DPYD: variants seen among roughly 807,000 people sequenced by gnomAD.
DPYD encodes the protein dihydropyrimidine dehydrogenase [NADP(+)].
A neutral mutation model predicts 116.2 loss-of-function variants in DPYD; 109 were observed. That is an observed-to-expected ratio of 0.94 (90% CI 0.80 to 1.10). The LOEUF (loss-of-function observed/expected upper bound fraction) is 1.10, where lower values mean the gene tolerates loss of function less well. DPYD is among the 50% of genes least tolerant of loss of function. The pLI, the probability that DPYD is intolerant of heterozygous loss-of-function variation, is 0.00. For missense variants in DPYD, 1,302 were observed against 1,254.5 expected (o/e 1.04, Z -0.57); for synonymous variants, 440 against 432.0 (o/e 1.02, Z -0.23).
chr1:97,768,562 C>G (rs1325117813), intron 3 of DPYD, among the ~76,000 whole-genome samples: 1 of 152,050 alleles, frequency 6.6e-6, no homozygotes. Flanking sequence ...CTTTCACATT[C>G]CAAGCTTAGT....
chr1:97,255,708 G>T (rs1038142606), intron 18 of DPYD, among the ~76,000 whole-genome samples: 13 of 149,264 alleles, frequency 8.7e-5, no homozygotes, highest in African/African-American at 2.2e-4. Flanking sequence ...TATTTTTGCC[G>T]TTTTTTTTTT....
At chr1:97,305,459 A>T (rs1667103455) in intron 17 of DPYD, 81 bp from the exon 18 acceptor site, 1 of 1,573,672 alleles carries the variant, frequency 6.4e-7, no homozygotes, top group South Asian at 1.1e-5. Flanking sequence ...CACATCCCAG[A>T]AAAATGCATT....
chr1:97,916,633 C>T (rs1342740099), intron 1 of DPYD, among the ~76,000 whole-genome samples: 2 of 152,080 alleles, frequency 1.3e-5, no homozygotes, highest in East Asian at 3.9e-4. Flanking sequence ...TAAGCAGATC[C>T]AATCTAAAAA....
At chr1:97,474,017 A>C (rs59899737) in intron 13 of DPYD, among the ~76,000 whole-genome samples, 1 of 20,296 alleles carries the variant, frequency 4.9e-5, no homozygotes, top group African/African-American at 1.1e-4. Flanking sequence ...AACTGTCTTT[A>C]AAAAAAAAAA....
At chr1:97,700,205 T>A in intron 5 of DPYD, 1 of 455,784 alleles carries the variant, frequency 2.2e-6, no homozygotes, top group Non-Finnish European at 4.4e-6. Context: ...GGAGGAAGGC[T>A]AAGCATCTTG....
intron 20 of DPYD, among the ~76,000 whole-genome samples, chr1:97,163,494 TG>T (rs1286726177): frequency 3.3e-5 from 5 of 152,162 alleles, no homozygotes; most frequent in African/African-American, 1.2e-4. Context: ...CTATAAAAAA[TG>T]GTACAGACTG....
At chr1:97,510,657 C>G (rs1265725156) in intron 13 of DPYD, among the ~76,000 whole-genome samples, 1 of 151,908 alleles carries the variant, frequency 6.6e-6, no homozygotes, top group African/African-American at 2.4e-5. Context: ...ATAATCCTTC[C>G]CTACTTCTAT....
chr1:97,456,523 C>G (rs1288810053), intron 13 of DPYD, among the ~76,000 whole-genome samples: 2 of 151,712 alleles, frequency 1.3e-5, no homozygotes, highest in African/African-American at 4.8e-5. Flanking sequence ...AGACACTCCT[C>G]CAAACTTGTA....
intron 11 of DPYD, among the ~76,000 whole-genome samples, chr1:97,568,127 C>T (rs1275177967): frequency 6.6e-6 from 1 of 151,328 alleles, no homozygotes; most frequent in Non-Finnish European, 1.5e-5. Flanking sequence ...AAAAACTAAC[C>T]AAATATATTG....
At chr1:97,202,685 G>A (rs1447098382) in intron 19 of DPYD, among the ~76,000 whole-genome samples, 4 of 152,182 alleles carry the variant, frequency 2.6e-5, no homozygotes, top group Non-Finnish European at 5.9e-5. Context: ...GATGGCCTGC[G>A]CTGATTAGTC....
At chr1:97,496,714 C>T (rs1417214840) in intron 13 of DPYD, among the ~76,000 whole-genome samples, 2 of 151,848 alleles carry the variant, frequency 1.3e-5, no homozygotes, top group Non-Finnish European at 2.9e-5. Flanking sequence ...AATGGCATTC[C>T]TTGCTCTAGC....
chr1:97,348,817 G>T (rs1669986158), intron 16 of DPYD, among the ~76,000 whole-genome samples: 1 of 151,594 alleles, frequency 6.6e-6, no homozygotes, highest in African/African-American at 2.4e-5. Flanking sequence ...GGACAGAAGG[G>T]AGCCAGAAGG....
chr1:97,863,564 G>T (rs1671227110), intron 2 of DPYD, among the ~76,000 whole-genome samples: 1 of 151,710 alleles, frequency 6.6e-6, no homozygotes, highest in African/African-American at 2.4e-5. Flanking sequence ...GTATATTATA[G>T]AATATTATGC....
At chr1:97,299,180 ATATT>A (rs1234269514) in intron 18 of DPYD, among the ~76,000 whole-genome samples, 1 of 152,144 alleles carries the variant, frequency 6.6e-6, no homozygotes, top group African/African-American at 2.4e-5. Flanking sequence ...GAATCTGTGA[ATATT>A]TAAATTCAAG....
chr1:97,546,541 C>T (rs1420488638), intron 12 of DPYD: 2 of 1,596,492 alleles, frequency 1.3e-6, no homozygotes, highest in African/African-American at 1.3e-5. Context: ...ACAAAGCATA[C>T]AGCAAGAAGA....
chr1:97,455,825 A>G (rs1676651773), intron 13 of DPYD, among the ~76,000 whole-genome samples: 2 of 151,936 alleles, frequency 1.3e-5, no homozygotes, highest in South Asian at 4.1e-4. Context: ...AGTGGGCAAG[A>G]TAAGTATTTG....
intron 18 of DPYD, among the ~76,000 whole-genome samples, chr1:97,289,585 A>C (rs1665987900): frequency 6.6e-6 from 1 of 151,906 alleles, no homozygotes; most frequent in Admixed American, 6.6e-5. Context: ...AAAGACAAAA[A>C]CCACATGATT....
chr1:97,864,191 T>C (rs1671257530), intron 2 of DPYD, among the ~76,000 whole-genome samples: 1 of 152,014 alleles, frequency 6.6e-6, no homozygotes, highest in African/African-American at 2.4e-5. Context: ...ATTTTCCAAA[T>C]GTTAAGGCAG....
chr1:97,482,166 C>T (rs1332934816), intron 13 of DPYD, among the ~76,000 whole-genome samples: 2 of 152,036 alleles, frequency 1.3e-5, no homozygotes, highest in East Asian at 3.9e-4. Flanking sequence ...ATAACAAATC[C>T]TAGATATAAA....
Sources: allele counts gnomAD v4.1 joint callset (sites outside exome capture counted in the v4.1 genomes callset), GRCh38; gene constraint gnomAD v4.1.1; transcripts MANE v1.5; gene names NCBI Gene and HGNC (gene_info 2026-07-23, HGNC 2026-07-21).